The following CAMTA1 variants were observed in gnomAD, a reference collection of about 807,000 sequenced individuals.
CAMTA1 encodes calmodulin binding transcription activator 1, also known as calmodulin-binding transcription activator 1.
CAMTA1 carries 27 observed loss-of-function variants against 170.9 expected under a neutral mutation model. The observed-to-expected ratio is 0.16, with a 90% CI of 0.12 to 0.22. The LOEUF is 0.22. Ranked by LOEUF, CAMTA1 falls within the 10% of genes least tolerant of loss-of-function variation. CAMTA1 has a pLI of 1.00. For missense variants in CAMTA1, 1,619 were observed against 2,217.2 expected (o/e 0.73, Z 5.42); for synonymous variants, 833 against 891.5 (o/e 0.93, Z 1.17).
In CAMTA1 at chr1:7,732,566, CAGCGGGAGCGGGAAT is replaced by C; in HGVS notation, c.3034_3048del (p.Ser1012_Asn1016del). The C allele has an allele frequency of 6.2e-7, 1 of 1,611,818 alleles. No homozygotes were observed. The highest frequency in any genetic ancestry group is 8.5e-7 in the Non-Finnish European group (1 of 1,179,298). ...GCGGAGGCGGCAGCAGTGGAGGCGG[CAGCGGGAGCGGGAAT>C]GGAGGGAGCCAGGCACAGGTACGAG... On this transcript the variant is annotated inframe_deletion, in exon 12 of 23. Transcript: ENST00000303635. This position sits in a 1 kb window ranked among gnomAD's most constrained non-coding sequence, Gnocchi z 4.1.
At chr1:7,284,784 CCTT>C (rs1190268347) in intron 5 of CAMTA1, among the ~76,000 whole-genome samples, 2 of 152,238 alleles carry the variant, frequency 1.3e-5, no homozygotes, top group Admixed American at 6.5e-5. Flanking sequence ...CGCTTTACCT[CCTT>C]CTTGCACTCT....
At position 7,664,332 on chromosome 1, in the gene CAMTA1, C is replaced by T. The variant is rs758067159; in HGVS notation, c.1785C>T (p.Tyr595=). Reference sequence around the variant, plus strand: ...GCGCCATCGACTCCAACAAGGACTACACGTCCAGCTTCAGCCAGACGGGCC... The same window carrying T: ...GCGCCATCGACTCCAACAAGGACTATACGTCCAGCTTCAGCCAGACGGGCC... The part of the protein sequence containing the change: ...DFSAIDSNKD[Y]TSSFSQTGHS... Residue 595 remains tyrosine (Y), a synonymous_variant, in exon 9 of 23, where the codon TAC becomes TAT. Transcript: ENST00000303635. 1.2e-6 allele frequency: 2 copies of T among 1,613,566 alleles called. No individual in the cohort carries two copies. The highest frequency in any genetic ancestry group is 1.7e-6 in the Non-Finnish European group (2 of 1,180,020).
chr1:6,802,286 C>A (rs1374633636), intron 1 of CAMTA1, among the ~76,000 whole-genome samples: 1 of 152,186 alleles, frequency 6.6e-6, no homozygotes, highest in Non-Finnish European at 1.5e-5. Context: ...AGTTCCAGTA[C>A]TCATCATCAT....
intron 1 of CAMTA1, among the ~76,000 whole-genome samples, chr1:6,797,679 G>A (rs1230694449): frequency 1.3e-5 from 2 of 151,698 alleles, no homozygotes; most frequent in South Asian, 2.1e-4. Context: ...GAGCCACCGC[G>A]CCTGTCTTGA....
intron 1 of CAMTA1, among the ~76,000 whole-genome samples, 192 bp from the exon 2 acceptor site, chr1:6,819,989 T>C (rs1441457537): frequency 6.6e-6 from 1 of 152,220 alleles, no homozygotes; most frequent in African/African-American, 2.4e-5. Flanking sequence ...TTCAGTCCTT[T>C]TAGACTTTCA....
At position 6,978,673 on chromosome 1, in the gene CAMTA1, T is replaced by C. The variant is rs1693906880; in HGVS notation, c.235-112631T>C. On this transcript the variant is annotated intron_variant, in intron 3 of 22. Coordinates refer to ENST00000303635, the MANE Select transcript of CAMTA1 (RefSeq NM_015215.4). ...ATATAGTTAATATTATATTTTTATA[T>C]TTTATATATTATAGATATATATATA... 3.4e-5 allele frequency among the ~76,000 whole-genome samples: 5 copies of C among 149,222 alleles called. No individual in the cohort carries two copies. In the Admixed American group the frequency reaches 3.4e-4, roughly 10 times the overall value.
chr1:7,268,931 G>T (rs1669304441), intron 5 of CAMTA1, among the ~76,000 whole-genome samples: 1 of 152,182 alleles, frequency 6.6e-6, no homozygotes, highest in Non-Finnish European at 1.5e-5. Context: ...ACAGAGTGAG[G>T]TGAGAACCAT....
At chr1:7,235,738 C>T (rs925511729) in intron 4 of CAMTA1, among the ~76,000 whole-genome samples, 6 of 152,230 alleles carry the variant, frequency 3.9e-5, no homozygotes, top group Non-Finnish European at 7.3e-5. Context: ...GGAGCAATCA[C>T]GGCCGTCTGG....
At chr1:6,925,213 C>T (rs938804354) in intron 3 of CAMTA1, among the ~76,000 whole-genome samples, 1 of 152,182 alleles carries the variant, frequency 6.6e-6, no homozygotes, top group Non-Finnish European at 1.5e-5. Flanking sequence ...GGGAATGGGG[C>T]CATGAGGCCT....
intron 8 of CAMTA1, 117 bp downstream of exon 8, chr1:7,661,983 A>C: frequency 8.2e-7 from 1 of 1,225,154 alleles, no homozygotes; most frequent in Non-Finnish European, 1.1e-6. Flanking sequence ...GAGGAGGGGG[A>C]CAGTCAGGGA....
intron 4 of CAMTA1, among the ~76,000 whole-genome samples, chr1:7,241,688 G>C (rs1664883048): frequency 6.6e-6 from 1 of 152,212 alleles, no homozygotes. Context: ...ATTCAGTGGA[G>C]TTGGGGGTGG....
At position 7,250,733 on chromosome 1, in the gene CAMTA1, GT is replaced by G. The variant is rs567907979; in HGVS notation, c.438+1115del. Among the ~76,000 whole-genome samples, 53 of 152,044 alleles carry G rather than the reference GT, an allele frequency of 3.5e-4. 2 individuals carry two copies. Among genetic ancestry groups the G allele is most frequent in the African/African-American group, 1.3e-3 (52 of 41,468 alleles). On this transcript the variant is annotated intron_variant, in intron 5 of 22. Transcript: ENST00000303635. Reference sequence around the variant, plus strand: ...CACAGAGGGATGACTTTTGTTTTATGTTTTTTTTAAATACCTAATAACAATG... The same window carrying G: ...CACAGAGGGATGACTTTTGTTTTATGTTTTTTTAAATACCTAATAACAATG...
intron 3 of CAMTA1, among the ~76,000 whole-genome samples, chr1:7,062,473 C>T (rs1434822566): frequency 6.6e-6 from 1 of 152,142 alleles, no homozygotes; most frequent in Non-Finnish European, 1.5e-5. Context: ...GGGTGAGTCT[C>T]GAGCGGCCGG....
chr1:7,073,421 A>G (rs1262435290), intron 3 of CAMTA1, among the ~76,000 whole-genome samples: 1 of 152,074 alleles, frequency 6.6e-6, no homozygotes, highest in African/African-American at 2.4e-5. Context: ...CAGTGCAGAG[A>G]TGACGTTTAA....
At chr1:7,212,777 CTT>C (rs779370645) in intron 4 of CAMTA1, among the ~76,000 whole-genome samples, 4 of 152,220 alleles carry the variant, frequency 2.6e-5, no homozygotes, top group Non-Finnish European at 4.4e-5. Context: ...CCTACACCCT[CTT>C]TGACTCTTTG....
intron 5 of CAMTA1, among the ~76,000 whole-genome samples, chr1:7,459,004 A>G (rs2093023167): frequency 6.6e-6 from 1 of 152,226 alleles, no homozygotes; most frequent in Admixed American, 6.5e-5. Flanking sequence ...GATTAATACA[A>G]ACCAAATCCT....
chr1:7,066,919 A>G (rs1558049389), intron 3 of CAMTA1, among the ~76,000 whole-genome samples: 1 of 152,192 alleles, frequency 6.6e-6, no homozygotes, highest in Non-Finnish European at 1.5e-5. Flanking sequence ...TGTATTTGCT[A>G]TTTTACATTG....
At chr1:7,734,396 G>A (rs905128674) in intron 12 of CAMTA1, among the ~76,000 whole-genome samples, 4 of 152,158 alleles carry the variant, frequency 2.6e-5, no homozygotes, top group Admixed American at 6.5e-5. Flanking sequence ...CAGCCACTAC[G>A]CAGCTGGCTC....
intron 3 of CAMTA1, among the ~76,000 whole-genome samples, chr1:6,984,666 G>T (rs907680923): frequency 3.3e-5 from 5 of 152,178 alleles, no homozygotes; most frequent in Non-Finnish European, 5.9e-5. Context: ...GGGTGAGTAG[G>T]CTTCAGGCAG....
Sources: allele counts gnomAD v4.1 joint callset (sites outside exome capture counted in the v4.1 genomes callset), GRCh38; gene constraint gnomAD v4.1.1; non-coding constraint Gnocchi (gnomAD v3.1); transcripts MANE v1.5; gene names NCBI Gene and HGNC (gene_info 2026-07-23, HGNC 2026-07-21).